The following CDH23 variants were observed in gnomAD, a reference collection of about 807,000 sequenced individuals.
CDH23 encodes the protein cadherin-23.
Under a neutral mutation model 317.1 loss-of-function variants are expected in CDH23, and 189 were observed. That is an observed-to-expected ratio of 0.60 (90% CI 0.53 to 0.67). The LOEUF (loss-of-function observed/expected upper bound fraction) is 0.67, where lower values mean the gene tolerates loss of function less well. Among genes scored for constraint, CDH23 ranks in the 30% least tolerant of loss-of-function variants. The pLI, the probability that CDH23 is intolerant of heterozygous loss-of-function variation, is 0.00. For missense variants in CDH23, 4,401 were observed against 4,592.4 expected (o/e 0.96, Z 1.20); for synonymous variants, 1,839 against 1,876.8 (o/e 0.98, Z 0.52).
At chr10:71,710,239 A>G (rs978924379) in intron 27 of CDH23, among the ~76,000 whole-genome samples, 1 of 152,212 alleles carries the variant, frequency 6.6e-6, no homozygotes, top group African/African-American at 2.4e-5. Flanking sequence ...GCGGCATGGA[A>G]GACAGCACTT....
intron 22 of CDH23, among the ~76,000 whole-genome samples, chr10:71,699,831 T>C (rs1215666711): frequency 6.6e-6 from 1 of 152,164 alleles, no homozygotes; most frequent in Non-Finnish European, 1.5e-5. Flanking sequence ...CCCTCTCCTG[T>C]ACTCCCAACC....
intron 3 of CDH23, among the ~76,000 whole-genome samples, chr10:71,459,085 CTTTT>C (rs372627407): frequency 9.7e-6 from 1 of 102,570 alleles, no homozygotes; most frequent in Non-Finnish European, 1.9e-5. Context: ...CACACCTGGC[CTTTT>C]TTTTTTTTTT....
chr10:71,454,583 A>G (rs1382826038), intron 3 of CDH23, among the ~76,000 whole-genome samples: 3 of 152,204 alleles, frequency 2.0e-5, no homozygotes, highest in African/African-American at 7.2e-5. Context: ...CACGGGCAGC[A>G]GTGTCCAGGT....
intron 1 of CDH23, among the ~76,000 whole-genome samples, chr10:71,437,672 G>C (rs1849679182): frequency 6.6e-6 from 1 of 152,210 alleles, no homozygotes; most frequent in Admixed American, 6.5e-5. Flanking sequence ...CCATGGTCAT[G>C]TTTGACTCAC....
At chr10:71,553,439 C>T (rs533347568) in intron 6 of CDH23, among the ~76,000 whole-genome samples, 17 of 152,284 alleles carry the variant, frequency 1.1e-4, no homozygotes, top group East Asian at 1.9e-4. Flanking sequence ...CCTGAAGGGC[C>T]GGCAGCAGTA....
chr10:71,703,122 G>A (rs1043846303), intron 24 of CDH23, among the ~76,000 whole-genome samples: 7 of 152,172 alleles, frequency 4.6e-5, no homozygotes, highest in African/African-American at 1.7e-4. Flanking sequence ...ACTTTGCAGG[G>A]CTCTAAAGAG....
chr10:71,659,061 G>A (rs2132627023), intron 14 of CDH23, among the ~76,000 whole-genome samples: 1 of 152,314 alleles, frequency 6.6e-6, no homozygotes. Context: ...CCAGCACAGA[G>A]AGCCCGTGAC....
At chr10:71,687,478 G>A (rs1864954689) in intron 18 of CDH23, among the ~76,000 whole-genome samples, 169 bp from the exon 19 acceptor site, 1 of 152,280 alleles carries the variant, frequency 6.6e-6, no homozygotes, top group Non-Finnish European at 1.5e-5. Context: ...GCCTGCCAGA[G>A]GGTTACCTGA....
chr10:71,688,891 T>A (rs1865039905), intron 19 of CDH23, among the ~76,000 whole-genome samples: 1 of 122,228 alleles, frequency 8.2e-6, no homozygotes. Flanking sequence ...CCAGGGGTGG[T>A]GGAGCCAGGG....
At chr10:71,694,672 T>G (rs76096172) in intron 21 of CDH23, among the ~76,000 whole-genome samples, 1 of 151,834 alleles carries the variant, frequency 6.6e-6, no homozygotes, top group African/African-American at 2.4e-5. Context: ...TTCTCCCCCA[T>G]CTAATGTGCC....
At chr10:71,801,575 T>G (rs1841559972) in intron 53 of CDH23, among the ~76,000 whole-genome samples, 1 of 152,196 alleles carries the variant, frequency 6.6e-6, no homozygotes, top group Non-Finnish European at 1.5e-5. Context: ...TCCCCTTTTC[T>G]ATGCAAAGTC....
At chr10:71,807,431 C>T in intron 58 of CDH23, 25 bp downstream of exon 58, 1 of 1,613,486 alleles carries the variant, frequency 6.2e-7, no homozygotes, top group Middle Eastern at 1.6e-4. Context: ...AGCTAGTGCC[C>T]TGATTACCCT....
intron 22 of CDH23, among the ~76,000 whole-genome samples, chr10:71,697,075 G>C (rs1865418340): frequency 6.6e-6 from 1 of 152,202 alleles, no homozygotes; most frequent in Non-Finnish European, 1.5e-5. Context: ...GGTTGCTCTG[G>C]GAAAAGGGGG....
chr10:71,723,991 T>C (rs1261303881), intron 28 of CDH23, 54 bp from the exon 29 acceptor site: 1 of 1,544,392 alleles, frequency 6.5e-7, no homozygotes, highest in East Asian at 2.4e-5. Context: ...AAAAACCTCT[T>C]CTCTCCCTGC....
intron 1 of CDH23, among the ~76,000 whole-genome samples, chr10:71,400,551 G>A (rs1398031965): frequency 6.6e-6 from 1 of 152,240 alleles, no homozygotes; most frequent in Non-Finnish European, 1.5e-5. Flanking sequence ...TATAATCCTA[G>A]CACTTTCGGA....
intron 38 of CDH23, among the ~76,000 whole-genome samples, chr10:71,775,763 A>G (rs1840803487): frequency 6.6e-6 from 1 of 152,072 alleles, no homozygotes; most frequent in Admixed American, 6.5e-5. Context: ...ACACTCCATC[A>G]TGTGTTTGTG....
intron 38 of CDH23, among the ~76,000 whole-genome samples, chr10:71,761,335 C>A (rs1840378187): frequency 1.3e-5 from 2 of 152,200 alleles, no homozygotes; most frequent in Admixed American, 1.3e-4. Context: ...ACACTCCCAG[C>A]CCAGGTACCT....
At chr10:71,734,794 A>G (rs1350198848) in intron 34 of CDH23, 136 bp downstream of exon 34, 1 of 532,452 alleles carries the variant, frequency 1.9e-6, no homozygotes, top group Non-Finnish European at 3.6e-6. Flanking sequence ...GCCCCCTCCC[A>G]GTGCCTCCAC....
chr10:71,510,326 C>A, intron 4 of CDH23, 102 bp downstream of exon 4: 1 of 1,296,762 alleles, frequency 7.7e-7, no homozygotes, highest in Non-Finnish European at 1.1e-6. Flanking sequence ...CTCTAAGACC[C>A]CATTCTGACT....
Sources: allele counts gnomAD v4.1 joint callset (sites outside exome capture counted in the v4.1 genomes callset), GRCh38; gene constraint gnomAD v4.1.1; transcripts MANE v1.5; gene names NCBI Gene and HGNC (gene_info 2026-07-23, HGNC 2026-07-21).